APC: variants seen among roughly 807,000 people sequenced by gnomAD.
The protein encoded by APC is adenomatous polyposis coli protein.
Under a neutral mutation model 247.0 loss-of-function variants are expected in APC, and 72 were observed. That is an observed-to-expected ratio of 0.29 (90% CI 0.24 to 0.35). The LOEUF (loss-of-function observed/expected upper bound fraction) is 0.35, where lower values mean the gene tolerates loss of function less well. APC is among the 10% of genes least tolerant of loss of function. The probability of loss-of-function intolerance (pLI) is 1.00; values close to 1 mark genes in which losing one functional copy is unlikely to be tolerated. For synonymous variants in APC, 1,254 were observed against 1,162.5 expected (o/e 1.08, Z -1.60); for missense variants, 3,400 against 3,360.7 (o/e 1.01, Z -0.29).
In APC at chr5:112,737,898, T is replaced by C. The variant is rs1404118610; in HGVS notation, c.-46T>C. On this transcript the variant is annotated 5_prime_UTR_variant, in exon 1 of 16. It removes an upstream start codon present in the reference 5' UTR. Transcript: ENST00000257430. ...CGCCAGGGTGTCACTGGAGACAGAA[T>C]GGAGGTGCTGCCGGACTCGGAAATG... 1.0e-5 allele frequency: 10 copies of C among 985,448 alleles called. No individual in the cohort carries two copies. Among genetic ancestry groups the C allele is most frequent in the Non-Finnish European group, 1.2e-5 (10 of 830,052 alleles). 61.0% of individuals were successfully genotyped at this position (985,448 alleles called of 1,614,324 possible). A position where few individuals can be genotyped will look rare whatever the true frequency, so the allele number is the denominator to read the frequency against.
intron 1 of APC, chr5:112,738,446 A>T (rs1041035012): frequency 1.0e-6 from 1 of 985,738 alleles, no homozygotes; most frequent in African/African-American, 1.7e-5. Flanking sequence ...GGATGAGAGA[A>T]AGAGGAGGAG....
chr5:112,770,412 A>G (rs1281695229), intron 4 of APC, among the ~76,000 whole-genome samples: 1 of 152,190 alleles, frequency 6.6e-6, no homozygotes, highest in Non-Finnish European at 1.5e-5. Context: ...CTTTTTAAAA[A>G]TATTTAAAGG....
chr5:112,789,419 A>G (rs958950499), intron 6 of APC, among the ~76,000 whole-genome samples: 3 of 152,134 alleles, frequency 2.0e-5, no homozygotes, highest in Non-Finnish European at 4.4e-5. Flanking sequence ...CTATTTTCAT[A>G]TTAGAAACAG....
At chr5:112,792,000 C>T (rs936007805) in intron 6 of APC, among the ~76,000 whole-genome samples, 10 of 152,096 alleles carry the variant, frequency 6.6e-5, no homozygotes, top group African/African-American at 2.4e-4. Flanking sequence ...AAGCCCACAG[C>T]ACTTTGGGAA....
chr5:112,818,873 A>C (rs1580527010), intron 9 of APC, 93 bp from the exon 10 acceptor site: 1 of 1,066,746 alleles, frequency 9.4e-7, no homozygotes, highest in Non-Finnish European at 1.3e-6. Flanking sequence ...GTTTTTTTAG[A>C]GTTATAGTAA....
rs952662066 is a variant in APC, at chr5:112,840,927, C to A, written c.5333C>A (p.Pro1778His). ...AAGAAACCAACTTCACCAGTAAAAC[C>A]TATACCACAAAATACTGAATATAGG... ...KKKKPTSPVK[P>H]IPQNTEYRTR... The change falls in exon 16 of 16, where the codon CCT (proline) becomes CAT (histidine). Residue 1778 changes from proline to histidine, a missense_variant. Coordinates refer to ENST00000257430, the MANE Select transcript of APC (RefSeq NM_000038.6). The surrounding 1 kb of genome is among the most constrained non-coding windows in gnomAD (Gnocchi z 4.1). 6.2e-7 allele frequency: 1 copy of A among 1,613,788 alleles called. No homozygotes were observed. The highest frequency in any genetic ancestry group is 8.5e-7 in the Non-Finnish European group (1 of 1,179,794).
At chr5:112,794,503 C>T (rs887846157) in intron 7 of APC, among the ~76,000 whole-genome samples, 13 of 152,140 alleles carry the variant, frequency 8.5e-5, no homozygotes, top group Non-Finnish European at 1.6e-4. Flanking sequence ...GAGTCAGCTC[C>T]ACAAGTAAAA....
intron 1 of APC, among the ~76,000 whole-genome samples, chr5:112,726,783 C>T (rs1581038334): frequency 6.6e-6 from 1 of 151,976 alleles, no homozygotes; most frequent in South Asian, 2.1e-4. Flanking sequence ...AGGTGTATGA[C>T]ACTTAAGATA....
Position 112,843,273 on chromosome 5 carries a change from G to A in APC, c.7679G>A (p.Arg2560Gln), listed in dbSNP as rs759069096. The change falls in exon 16 of 16, where the codon CGA (arginine) becomes CAA (glutamine). Residue 2560 changes from arginine to glutamine, a missense_variant. Transcript: ENST00000257430. This position sits in a 1 kb window ranked among gnomAD's most constrained non-coding sequence, Gnocchi z 4.8. ...AGCAAACATTCATCATCCCTTCCTC[G>A]AGTAAGCACTTGGAGAAGAACTGGA... ...EHSKHSSSLP[R>Q]VSTWRRTGSS... 10 of 1,613,408 alleles carry A rather than the reference G, an allele frequency of 6.2e-6. No individual in the cohort carries two copies. In the South Asian group the frequency reaches 9.9e-5, roughly 16 times the overall value.
Position 112,724,431 on chromosome 5 carries a change from A to G in APC, c.165+16549A>G, listed in dbSNP as rs111957475. On this transcript the variant is annotated intron_variant, in intron 1 of 13. Transcript: ENST00000507379. Reference sequence around the variant, plus strand: ...GGTAGTTCATTCATATTCTGCAGCTATTTGGGTACCTACTTTGGACCAGGC... The same window carrying G: ...GGTAGTTCATTCATATTCTGCAGCTGTTTGGGTACCTACTTTGGACCAGGC... 7.7e-3 allele frequency among the ~76,000 whole-genome samples: 1,177 copies of G among 152,302 alleles called. 13 individuals are homozygous for G. Among genetic ancestry groups the G allele is most frequent in the African/African-American group, 0.026 (1,092 of 41,554 alleles).
In APC at chr5:112,841,795, T is replaced by C. The variant is rs876659306; in HGVS notation, c.6201T>C (p.Asn2067=). ...KGDNEKHSPR[N]MGGILGEDLT... ...ATAATGAAAAACATAGTCCCAGAAA[T>C]ATGGGTGGCATATTAGGTGAAGATC... Residue 2067 remains asparagine (N), a synonymous_variant, in exon 16 of 16, where the codon AAT becomes AAC. Transcript: ENST00000257430. This position sits in a 1 kb window ranked among gnomAD's most constrained non-coding sequence, Gnocchi z 4.6. 2.5e-6 allele frequency: 4 copies of C among 1,614,016 alleles called. No homozygotes were observed. Among genetic ancestry groups the C allele is most frequent in the Admixed American group, 3.3e-5 (2 of 60,016 alleles).
In APC at chr5:112,842,380, T is replaced by C. The variant is rs750157623; in HGVS notation, c.6786T>C (p.Ser2262=). ...AGACTCCAGCCTCCAAAAGCCCTAG[T>C]GAAGGTCAAACAGCCACCACTTCTC... The part of the protein sequence containing the change: ...PLKTPASKSP[S]EGQTATTSPR... The change falls in exon 16 of 16, where the codon AGT becomes AGC. Residue 2262 remains serine, a synonymous_variant. Transcript: ENST00000257430. 1 of 1,613,964 alleles carries C rather than the reference T, an allele frequency of 6.2e-7. No homozygotes were observed. The highest frequency in any genetic ancestry group is 1.1e-5 in the South Asian group (1 of 91,060).
chr5:112,823,966 A>G (rs755813914), intron 11 of APC, among the ~76,000 whole-genome samples: 3 of 152,204 alleles, frequency 2.0e-5, no homozygotes, highest in Non-Finnish European at 4.4e-5. Flanking sequence ...CACCAGTAGA[A>G]TATTCTTGTT....
chr5:112,743,487 G>A (rs1300047081), intron 1 of APC, among the ~76,000 whole-genome samples: 1 of 151,856 alleles, frequency 6.6e-6, no homozygotes, highest in African/African-American at 2.4e-5. Context: ...CTTTCTTTTG[G>A]TAATTTCAGA....
At chr5:112,820,714 C>G (rs756743140) in intron 10 of APC, among the ~76,000 whole-genome samples, 1 of 152,006 alleles carries the variant, frequency 6.6e-6, no homozygotes, top group African/African-American at 2.4e-5. Flanking sequence ...TAAAAACTTA[C>G]GTCAAATGAG....
At chr5:112,818,616 A>G (rs964631580) in intron 9 of APC, among the ~76,000 whole-genome samples, 7 of 152,154 alleles carry the variant, frequency 4.6e-5, no homozygotes, top group Non-Finnish European at 7.3e-5. Context: ...TGTGTGTGAA[A>G]TCCGTTGTTT....
intron 8 of APC, among the ~76,000 whole-genome samples, chr5:112,810,778 C>A (rs968530183): frequency 6.6e-6 from 1 of 152,128 alleles, no homozygotes; most frequent in Admixed American, 6.5e-5. Context: ...GCTGGATTTG[C>A]TAGTCATTTC....
At chr5:112,783,765 CAAA>C (rs77929348) in intron 6 of APC, 8,703 of 189,972 alleles carry the variant, frequency 0.046, no homozygotes, top group Middle Eastern at 0.069. Context: ...CCACTGCACT[CAAA>C]AAAAAAAAAA....
chr5:112,841,817 G>A lies in APC; in HGVS notation c.6223G>A (p.Asp2075Asn), dbSNP rs754004343. The change falls in exon 16 of 16, where the codon GAT becomes AAT. Residue 2075 changes from aspartate to asparagine, a missense_variant. By Grantham distance (23) the Asp-to-Asn change is conservative (BLOSUM62 1). Around this residue, in one of 9 missense-constraint regions of APC, gnomAD observed 1,788 missense variants for 1,649.5 expected, o/e 1.08. Transcript: ENST00000257430. The surrounding 1 kb of genome is among the most constrained non-coding windows in gnomAD (Gnocchi z 4.6). ...PRNMGGILGE[D>N]LTLDLKDIQR... is the part of the protein sequence containing the mutation. The stretch of plus-strand genomic sequence containing the variant: ...AAATATGGGTGGCATATTAGGTGAA[G>A]ATCTGACACTTGATTTGAAAGATAT... 1 of 1,614,012 alleles carries A rather than the reference G, an allele frequency of 6.2e-7. No homozygotes were observed. The highest frequency in any genetic ancestry group is 8.5e-7 in the Non-Finnish European group (1 of 1,179,886).
Sources: gnomAD v4.1 joint callset for allele counts (sites outside exome capture counted in the v4.1 genomes callset) on GRCh38, gnomAD v4.1.1 for gene constraint, gnomAD v4.1.1 regional missense constraint, Gnocchi (gnomAD v3.1) non-coding constraint, MANE v1.5 for transcripts, NCBI Gene and HGNC (gene_info 2026-07-23, HGNC 2026-07-21) for gene names.